Variants in SIL1 observed in about 807,000 individuals in gnomAD.
SIL1 encodes SIL1 nucleotide exchange factor, also known as nucleotide exchange factor SIL1.
A neutral mutation model predicts 49.1 loss-of-function variants in SIL1; 40 were observed. The observed-to-expected ratio is 0.81, with a 90% CI of 0.63 to 1.06. The LOEUF is 1.06. Ranked by LOEUF, SIL1 falls within the 50% of genes least tolerant of loss-of-function variation. SIL1 has a pLI of 0.00. For missense variants in SIL1, 500 were observed against 572.6 expected, an observed-to-expected ratio of 0.87 and a Z score of 1.29; for synonymous variants, 253 against 250.8, an observed-to-expected ratio of 1.01 and a Z score of -0.08.
rs1010452335 is a variant in SIL1, at chr5:139,167,240, G to A, written c.-11+31029C>T. On this transcript the variant is annotated intron_variant, in intron 1 of 9. Coordinates refer to ENST00000394817, the MANE Select transcript of SIL1 (RefSeq NM_022464.5). ...CTCCCAAAGTGCTGAAATTACAGGC[G>A]TGAGCCACAGTACCCAGCCAAGGAG... Among the ~76,000 whole-genome samples, 7 of 152,090 alleles carry A rather than the reference G, an allele frequency of 4.6e-5. No individual in the cohort carries two copies. In the East Asian group the frequency reaches 5.8e-4, roughly 13 times the overall value.
chr5:139,033,814 C>T (rs1018306370), intron 5 of SIL1, among the ~76,000 whole-genome samples: 1 of 152,234 alleles, frequency 6.6e-6, no homozygotes, highest in Middle Eastern at 3.4e-3. Flanking sequence ...TGGAATGTTC[C>T]ATAAATGTCA....
chr5:139,183,256 C>T (rs920208094), intron 1 of SIL1, among the ~76,000 whole-genome samples: 1 of 152,196 alleles, frequency 6.6e-6, no homozygotes, highest in Admixed American at 6.5e-5. Context: ...GAAGCCTTCC[C>T]TACTCCATGC....
chr5:139,142,070 T>G (rs547655445), intron 1 of SIL1, among the ~76,000 whole-genome samples: 1 of 152,168 alleles, frequency 6.6e-6, no homozygotes, highest in African/African-American at 2.4e-5. Context: ...ATAATCAGAA[T>G]GGCTGGCTGC....
intron 3 of SIL1, 193 bp from the exon 4 acceptor site, chr5:139,051,239 A>C: frequency 1.6e-6 from 1 of 623,252 alleles, no homozygotes. Flanking sequence ...CTAATCTATA[A>C]GGAAATCTGT....
At chr5:139,106,653 T>C (rs1292694537) in intron 3 of SIL1, among the ~76,000 whole-genome samples, 1 of 152,176 alleles carries the variant, frequency 6.6e-6, no homozygotes, top group Non-Finnish European at 1.5e-5. Flanking sequence ...GAACCCCCGA[T>C]ACCTGACTTC....
At chr5:139,147,092 A>C (rs986170129) in intron 1 of SIL1, among the ~76,000 whole-genome samples, 1 of 152,244 alleles carries the variant, frequency 6.6e-6, no homozygotes, top group Middle Eastern at 3.2e-3. Flanking sequence ...GAGTGGACAG[A>C]CGAACAGATA....
At chr5:139,105,676 G>A (rs551711746) in intron 3 of SIL1, among the ~76,000 whole-genome samples, 3 of 152,362 alleles carry the variant, frequency 2.0e-5, no homozygotes, top group African/African-American at 7.2e-5. Context: ...CCTGCTCAGA[G>A]GCAGGCTGTG....
At chr5:139,152,661 G>A (rs1307787616) in intron 1 of SIL1, among the ~76,000 whole-genome samples, 1 of 151,716 alleles carries the variant, frequency 6.6e-6, no homozygotes, top group Non-Finnish European at 1.5e-5. Flanking sequence ...AGAATGTAGA[G>A]GGATTACTCT....
chr5:139,081,609 T>G (rs1360945563), intron 3 of SIL1, among the ~76,000 whole-genome samples: 1 of 152,182 alleles, frequency 6.6e-6, no homozygotes, highest in Non-Finnish European at 1.5e-5. Context: ...CCAGGCACGG[T>G]GGCTCACACC....
intron 7 of SIL1, among the ~76,000 whole-genome samples, chr5:138,963,821 A>G (rs1767077885): frequency 6.6e-6 from 1 of 152,216 alleles, no homozygotes; most frequent in South Asian, 2.1e-4. Flanking sequence ...CTCCTCAGCT[A>G]GCTGCATTTC....
intron 3 of SIL1, among the ~76,000 whole-genome samples, chr5:139,053,102 T>C (rs893539564): frequency 1.3e-5 from 2 of 152,184 alleles, no homozygotes; most frequent in Non-Finnish European, 2.9e-5. Flanking sequence ...AATCTCTGAA[T>C]GTGTGAAGGG....
chr5:139,171,115 G>A (rs10477807), intron 1 of SIL1, among the ~76,000 whole-genome samples: 24,551 of 147,866 alleles, frequency 0.17, 3,425 homozygotes, highest in African/African-American at 0.47. Flanking sequence ...CGCCCCGTCC[G>A]GGAGGTGAGG....
intron 3 of SIL1, 150 bp from the exon 4 acceptor site, chr5:139,051,196 G>A (rs1383360450): frequency 2.0e-5 from 14 of 708,506 alleles, no homozygotes; most frequent in Non-Finnish European, 3.1e-5. Flanking sequence ...CCTCTCCCTT[G>A]AACACACACA....
At chr5:138,984,966 G>A (rs905542019) in intron 7 of SIL1, among the ~76,000 whole-genome samples, 1 of 152,204 alleles carries the variant, frequency 6.6e-6, no homozygotes, top group Non-Finnish European at 1.5e-5. Flanking sequence ...TTTGTGCCTG[G>A]CACAACGGCA....
intron 3 of SIL1, among the ~76,000 whole-genome samples, chr5:139,108,494 C>A (rs1360243870): frequency 1.3e-5 from 2 of 152,142 alleles, no homozygotes; most frequent in Non-Finnish European, 2.9e-5. Flanking sequence ...GAGGTACAAA[C>A]TATTCATGTG....
intron 3 of SIL1, among the ~76,000 whole-genome samples, chr5:139,097,034 C>T (rs1770482281): frequency 6.6e-6 from 1 of 151,910 alleles, no homozygotes; most frequent in South Asian, 2.1e-4. Context: ...CTTAAGGGAA[C>T]ATCGGTGGTA....
At chr5:139,029,814 T>C (rs2150435604) in intron 5 of SIL1, among the ~76,000 whole-genome samples, 1 of 151,734 alleles carries the variant, frequency 6.6e-6, no homozygotes, top group East Asian at 2.0e-4. Context: ...TTTAGTTTTC[T>C]GTAAAAACTA....
At chr5:139,143,314 C>CATAT (rs1561878662) in intron 1 of SIL1, among the ~76,000 whole-genome samples, 3 of 61,648 alleles carry the variant, frequency 4.9e-5, no homozygotes, top group East Asian at 5.9e-4. Flanking sequence ...TATACACACA[C>CATAT]ACACACACAC....
chr5:139,036,025 T>C (rs913234349), intron 5 of SIL1: 5 of 152,148 alleles, frequency 3.3e-5, no homozygotes, highest in African/African-American at 1.2e-4. Flanking sequence ...TTTTTTCTTG[T>C]AAATTTGTTC....
Sources: gnomAD v4.1 joint callset for allele counts (sites outside exome capture counted in the v4.1 genomes callset) on GRCh38, gnomAD v4.1.1 for gene constraint, MANE v1.5 for transcripts, NCBI Gene and HGNC (gene_info 2026-07-23, HGNC 2026-07-21) for gene names.